The following FLT4 variants were observed in gnomAD, a reference collection of about 807,000 sequenced individuals.
FLT4 encodes the protein fms related receptor tyrosine kinase 4, also known as vascular endothelial growth factor receptor 3.
FLT4 carries 30 observed loss-of-function variants against 163.2 expected under a neutral mutation model. That is an observed-to-expected ratio of 0.18 (90% CI 0.14 to 0.25). FLT4 has a LOEUF of 0.25. Ranked by LOEUF, FLT4 falls within the 10% of genes least tolerant of loss-of-function variation. The pLI is 1.00. For synonymous variants in FLT4, 884 were observed against 789.5 expected, an observed-to-expected ratio of 1.12 and a Z score of -2.01; for missense variants, 1,510 against 1,863.8, an observed-to-expected ratio of 0.81 and a Z score of 3.50.
chr5:180,616,518 T>C, intron 22 of FLT4, 29 bp from the exon 23 acceptor site: 2 of 1,612,714 alleles, frequency 1.2e-6, no homozygotes, highest in Non-Finnish European at 1.7e-6. Context: ...GCAGGGGGGC[T>C]GTCAGTGCAG....
intron 29 of FLT4, among the ~76,000 whole-genome samples, chr5:180,605,496 CTT>C (rs776397242): frequency 1.1e-3 from 174 of 152,210 alleles, no homozygotes; most frequent in Non-Finnish European, 1.0e-3. Flanking sequence ...ATTCCTATAA[CTT>C]TGTATGGAGG....
chr5:180,609,972 C>A lies in FLT4; in HGVS notation c.3740G>T (p.Arg1247Leu), dbSNP rs200178139. ...AAATGTCTTCATCCTGGAGGAACCA[C>A]GGGTCTCAGCCCCTCTGGCCAGGCA... ...PGCLARGAETRGSSRMKTFEE... is the reference protein window; with the variant it reads ...PGCLARGAETLGSSRMKTFEE... Residue 1247 changes from arginine to leucine, a missense_variant, in exon 28 of 30, where the codon CGT becomes CTT. By Grantham distance (102) the Arg-to-Leu change is moderately radical (BLOSUM62 -2). This residue lies in a region of FLT4 where 295 missense variants were observed against 311.0 expected (regional missense o/e 0.95). Transcript: ENST00000261937. 6.2e-7 allele frequency: 1 copy of A among 1,614,194 alleles called. No individual in the cohort carries two copies. The highest frequency in any genetic ancestry group is 1.3e-5 in the African/African-American group (1 of 75,060).
intron 13 of FLT4, 127 bp from the exon 14 acceptor site, chr5:180,621,379 GC>G: frequency 1.4e-6 from 2 of 1,405,582 alleles, no homozygotes; most frequent in Non-Finnish European, 1.9e-6. Flanking sequence ...CCGGGCAGGA[GC>G]GCGGCGCGCC....
At position 180,620,864 on chromosome 5, in the gene FLT4, C is replaced by T. The variant is rs1438594044; in HGVS notation, c.2299+12G>A. The T allele has an allele frequency of 1.2e-6, 2 of 1,609,458 alleles. No homozygotes were observed. Among genetic ancestry groups the T allele is most frequent in the African/African-American group, 2.7e-5 (2 of 74,884 alleles). On this transcript the variant is annotated intron_variant, in intron 15 of 29. Coordinates refer to ENST00000261937, the MANE Select transcript of FLT4 (RefSeq NM_182925.5). This position sits in a 1 kb window ranked among gnomAD's most constrained non-coding sequence, Gnocchi z 4.4. The stretch of plus-strand genomic sequence containing the variant: ...CGGGAAGGGAGTTGAGGGGTGCAGC[C>T]TGAGGCCAGACCTTCCACGGCCACG...
chr5:180,639,880 C>A (rs1406881821), intron 1 of FLT4, among the ~76,000 whole-genome samples: 3 of 152,216 alleles, frequency 2.0e-5, no homozygotes, highest in Non-Finnish European at 4.4e-5. Flanking sequence ...CCCCTGCCTT[C>A]CTGTTCCTGG....
chr5:180,611,235 C>A, intron 27 of FLT4, 96 bp downstream of exon 27: 1 of 1,410,308 alleles, frequency 7.1e-7, no homozygotes, highest in Admixed American at 1.9e-5. Flanking sequence ...TCTGACGTCG[C>A]ATGATTTGCT....
Position 180,620,895 on chromosome 5 carries a change from G to A in FLT4, c.2280C>T (p.Ser760=), listed in dbSNP as rs770045428. 5 of 1,609,850 alleles carry A rather than the reference G, an allele frequency of 3.1e-6. No individual in the cohort carries two copies. Among genetic ancestry groups the A allele is most frequent in the Non-Finnish European group, 4.2e-6 (5 of 1,178,608 alleles). ...VCNAKGCVNS[S]ASVAVEGSED... is the part of the protein sequence containing the mutation. ...CCAGACCTTCCACGGCCACGCTGGCGGAGGAGTTGACGCAGCCCTTGGCGT... is the reference window on the plus strand; with the variant it reads ...CCAGACCTTCCACGGCCACGCTGGCAGAGGAGTTGACGCAGCCCTTGGCGT... Residue 760 remains serine, a synonymous_variant, in exon 15 of 30, where the codon TCC becomes TCT. Transcript: ENST00000261937. This position sits in a 1 kb window ranked among gnomAD's most constrained non-coding sequence, Gnocchi z 4.4.
chr5:180,623,719 C>T lies in FLT4; in HGVS notation c.1548+216G>A, dbSNP rs187213702. Among the ~76,000 whole-genome samples, 146 of 152,280 alleles carry T rather than the reference C, an allele frequency of 9.6e-4. No homozygotes were observed. The highest frequency in any genetic ancestry group is 3.1e-3 in the African/African-American group (130 of 41,574). On this transcript the variant is annotated intron_variant, in intron 11 of 29. Coordinates refer to ENST00000261937, the MANE Select transcript of FLT4 (RefSeq NM_182925.5). This position sits in a 1 kb window ranked among gnomAD's most constrained non-coding sequence, Gnocchi z 5.8. ...ATGTCAGCTTCCTTGTCTGGGAAGC[C>T]GCCAGAGGTCCGCCCTCCATCACAA...
In FLT4 at chr5:180,618,680, C is replaced by T. The variant is rs1286666552; in HGVS notation, c.3001+90G>A. 1.0e-5 allele frequency: 13 copies of T among 1,301,764 alleles called. No homozygotes were observed. In the East Asian group the frequency reaches 3.3e-4, roughly 33 times the overall value. 80.6% of individuals were successfully genotyped at this position (1,301,764 alleles called of 1,614,324 possible). On this transcript the variant is annotated intron_variant, in intron 21 of 29. Coordinates refer to ENST00000261937, the MANE Select transcript of FLT4 (RefSeq NM_182925.5). ...CATTCCACACTCTCCCATGAAAGCC[C>T]CCGCTGAGGACCCCAGGCTGGGGTG... is the stretch of plus-strand genomic sequence containing the variant.
intron 23 of FLT4, among the ~76,000 whole-genome samples, chr5:180,615,335 C>T (rs1365418174): frequency 6.9e-6 from 1 of 145,310 alleles, no homozygotes; most frequent in Non-Finnish European, 1.5e-5. Context: ...TTTCGGAGCA[C>T]TGGGCCCCGC....
At position 180,611,476 on chromosome 5, in the gene FLT4, C is replaced by T. The variant is rs1327663265; in HGVS notation, c.3541G>A (p.Glu1181Lys). Residue 1181 changes from glutamate to lysine, a missense_variant, in exon 27 of 30, where the codon GAA becomes AAA. Physicochemically the swap from Glu to Lys is moderately conservative, Grantham distance 56. This residue lies in a region of FLT4 where 295 missense variants were observed against 311.0 expected (regional missense o/e 0.95). Transcript: ENST00000261937. The part of the protein sequence containing the change: ...DLLQGRGLQE[E>K]EEVCMAPRSS... ...CGCGGGGCCATGCAGACCTCCTCTT[C>T]CTCCTGGCGGGAACAGGAGAGGCAG... 6.2e-7 allele frequency: 1 copy of T among 1,613,740 alleles called. No individual in the cohort carries two copies. Among genetic ancestry groups the T allele is most frequent in the East Asian group, 2.2e-5 (1 of 44,844 alleles).
At chr5:180,628,843 A>C (rs778743012) in intron 8 of FLT4, 39 bp downstream of exon 8, 2 of 1,408,536 alleles carry the variant, frequency 1.4e-6, no homozygotes, top group African/African-American at 2.8e-5. Flanking sequence ...TGGACTTGGA[A>C]GGGTATCGGC....
chr5:180,622,558 G>A (rs565390814), intron 12 of FLT4, among the ~76,000 whole-genome samples, 173 bp downstream of exon 12: 28 of 152,264 alleles, frequency 1.8e-4, no homozygotes, highest in East Asian at 7.7e-4. Flanking sequence ...ATCCCAGTGC[G>A]CCAGCACCCA....
intron 29 of FLT4, chr5:180,608,128 A>T: frequency 1.4e-6 from 1 of 700,456 alleles, no homozygotes. Context: ...CTCCTTGTCC[A>T]CTTTCATGCT....
intron 29 of FLT4, chr5:180,607,980 A>G (rs1581606164): frequency 3.1e-6 from 2 of 641,628 alleles, no homozygotes; most frequent in African/African-American, 3.6e-5. Context: ...GCAGACCATG[A>G]AAGGGCGTCT....
chr5:180,621,839 G>A lies in FLT4; in HGVS notation c.1723C>T (p.Leu575Phe), dbSNP rs773839174. The A allele has an allele frequency of 1.9e-6, 3 of 1,613,334 alleles. No individual in the cohort carries two copies. The highest frequency in any genetic ancestry group is 2.2e-5 in the East Asian group (1 of 44,868). The change falls in exon 13 of 30, where the codon CTC becomes TTC. Residue 575 changes from leucine (L) to phenylalanine (F), a missense_variant. Around this residue, in one of 5 missense-constraint regions of FLT4, gnomAD observed 878 missense variants for 1,016.7 expected, o/e 0.86. Coordinates refer to ENST00000261937, the MANE Select transcript of FLT4 (RefSeq NM_182925.5). Reference protein sequence around the residue: ...SEELLEGQPVLLSCQADSYKY... With the variant: ...SEELLEGQPVFLSCQADSYKY... ...TAGCTGTCGGCTTGGCAGCTCAGGA[G>A]CACCGGCTGGCCCTCTAGTAGCTCC... is the stretch of plus-strand genomic sequence containing the variant.
intron 1 of FLT4, among the ~76,000 whole-genome samples, chr5:180,640,129 G>A (rs1224714551): frequency 6.6e-6 from 1 of 152,204 alleles, no homozygotes; most frequent in African/African-American, 2.4e-5. Flanking sequence ...CCTCCCCTGG[G>A]CAGTGCTGGC....
intron 1 of FLT4, among the ~76,000 whole-genome samples, chr5:180,632,185 C>T (rs1764228608): frequency 1.3e-5 from 2 of 150,864 alleles, no homozygotes; most frequent in South Asian, 4.2e-4. Context: ...TGCAGCCCTA[C>T]ACCCGCTGCT....
intron 10 of FLT4, among the ~76,000 whole-genome samples, chr5:180,624,584 C>T (rs1763456929): frequency 6.6e-6 from 1 of 152,192 alleles, no homozygotes; most frequent in African/African-American, 2.4e-5. Flanking sequence ...ACCCATCCTA[C>T]ACAGGCTGCC....
Sources: allele counts gnomAD v4.1 joint callset (sites outside exome capture counted in the v4.1 genomes callset), GRCh38; gene constraint gnomAD v4.1.1; regional missense constraint gnomAD v4.1.1; non-coding constraint Gnocchi (gnomAD v3.1); transcripts MANE v1.5; gene names NCBI Gene and HGNC (gene_info 2026-07-23, HGNC 2026-07-21).